Variants in NAALADL2 observed in about 807,000 individuals in gnomAD.
NAALADL2 encodes the protein inactive N-acetylated-alpha-linked acidic dipeptidase-like protein 2.
NAALADL2 carries 76 observed loss-of-function variants against 87.2 expected under a neutral mutation model. The ratio of observed to expected loss-of-function variants is 0.87; its 90% CI spans 0.72 to 1.05. NAALADL2 has a LOEUF of 1.05. NAALADL2 is among the 50% of genes least tolerant of loss of function. The probability of loss-of-function intolerance (pLI) is 0.00; values close to 1 mark genes in which losing one functional copy is unlikely to be tolerated. For missense variants in NAALADL2, 1,089 were observed against 945.8 expected, an observed-to-expected ratio of 1.15 and a Z score of -1.99; for synonymous variants, 354 against 331.0, an observed-to-expected ratio of 1.07 and a Z score of -0.75.
chr3:174,548,234 A>G (rs191598599), intron 1 of NAALADL2, among the ~76,000 whole-genome samples: 6 of 152,276 alleles, frequency 3.9e-5, no homozygotes, highest in Non-Finnish European at 7.4e-5. Flanking sequence ...TGTATGATGG[A>G]GTATTATATA....
At chr3:175,473,820 C>T (rs1181445310) in intron 9 of NAALADL2, among the ~76,000 whole-genome samples, 1 of 151,974 alleles carries the variant, frequency 6.6e-6, no homozygotes, top group Non-Finnish European at 1.5e-5. Flanking sequence ...ACATCCAGAA[C>T]ATATGTAACT....
chr3:175,155,259 A>G (rs2108804701), intron 2 of NAALADL2, among the ~76,000 whole-genome samples: 1 of 152,282 alleles, frequency 6.6e-6, no homozygotes, highest in East Asian at 1.9e-4. Context: ...ACTGGGGCTG[A>G]GAATCACTGA....
chr3:175,225,940 G>A (rs1744094465), intron 2 of NAALADL2, among the ~76,000 whole-genome samples: 1 of 151,950 alleles, frequency 6.6e-6, no homozygotes, highest in African/African-American at 2.4e-5. Flanking sequence ...TTTTTTTTCT[G>A]GCACAGGTAA....
chr3:174,673,808 A>G (rs963686196), intron 2 of NAALADL2, among the ~76,000 whole-genome samples: 4 of 152,036 alleles, frequency 2.6e-5, no homozygotes, highest in African/African-American at 4.8e-5. Context: ...AAGATTTAAA[A>G]TGTCCCCAAC....
Position 174,977,052 on chromosome 3 carries a change from G to T in NAALADL2, c.43+117602G>T, listed in dbSNP as rs1044544762. 3.3e-5 allele frequency among the ~76,000 whole-genome samples: 5 copies of T among 152,252 alleles called. No homozygotes were observed. In the East Asian group the frequency reaches 9.7e-4, roughly 29 times the overall value. ...GTGTGAGATGGTGGGCAATTTTATA[G>T]ACAACCCAGTGGATTCTAAGGCCAA... On this transcript the variant is annotated intron_variant, in intron 1 of 13. Coordinates refer to ENST00000454872, the MANE Select transcript of NAALADL2 (RefSeq NM_207015.3).
chr3:174,863,862 CT>C (rs1406749057), intron 1 of NAALADL2: 11 of 311,722 alleles, frequency 3.5e-5, no homozygotes, highest in African/African-American at 2.5e-4. Context: ...CAAGGAGCTC[CT>C]GTTGGACCTG....
chr3:175,412,891 T>TTTATTATTA (rs58135076), intron 5 of NAALADL2, among the ~76,000 whole-genome samples: 37,735 of 122,610 alleles, frequency 0.31, 6,342 homozygotes, highest in East Asian at 0.41. Flanking sequence ...ATTTAATTTA[T>TTTATTATTA]TTATTATTAT....
chr3:174,972,607 A>G (rs1743841674), intron 1 of NAALADL2, among the ~76,000 whole-genome samples: 1 of 152,180 alleles, frequency 6.6e-6, no homozygotes, highest in South Asian at 2.1e-4. Flanking sequence ...CCCCAAATAC[A>G]ATGCTATTTT....
intron 1 of NAALADL2, among the ~76,000 whole-genome samples, chr3:175,067,477 G>A (rs73038495): frequency 0.097 from 14,699 of 152,028 alleles, 1,591 homozygotes; most frequent in African/African-American, 0.27. Context: ...GCGGCCAACA[G>A]ACGTATGAAA....
chr3:174,889,503 T>C (rs1730609968), intron 1 of NAALADL2, among the ~76,000 whole-genome samples: 1 of 152,154 alleles, frequency 6.6e-6, no homozygotes, highest in South Asian at 2.1e-4. Flanking sequence ...TGCTTCACTG[T>C]CTGCCCTGTG....
chr3:175,399,638 T>C (rs73033617), intron 5 of NAALADL2, among the ~76,000 whole-genome samples: 4,228 of 152,200 alleles, frequency 0.028, 214 homozygotes, highest in African/African-American at 0.096. Context: ...CATCACCATC[T>C]TGGTTTTGGT....
chr3:175,586,892 A>G (rs1255639516), intron 10 of NAALADL2, among the ~76,000 whole-genome samples: 1 of 152,222 alleles, frequency 6.6e-6, no homozygotes, highest in Non-Finnish European at 1.5e-5. Context: ...TGCCCATGGC[A>G]AAACATTGGG....
chr3:175,692,069 T>TA (rs1737122208), intron 11 of NAALADL2, among the ~76,000 whole-genome samples: 1 of 152,092 alleles, frequency 6.6e-6, no homozygotes, highest in Non-Finnish European at 1.5e-5. Context: ...GTATACCTCT[T>TA]ATATGAATCT....
intron 6 of NAALADL2, among the ~76,000 whole-genome samples, chr3:175,447,646 A>G (rs1427411877): frequency 2.6e-5 from 4 of 152,184 alleles, no homozygotes; most frequent in Non-Finnish European, 5.9e-5. Context: ...ATTTTTGTAC[A>G]TTCATGAAAA....
At chr3:175,187,434 C>G (rs928338291) in intron 2 of NAALADL2, among the ~76,000 whole-genome samples, 2 of 152,116 alleles carry the variant, frequency 1.3e-5, no homozygotes, top group African/African-American at 4.8e-5. Context: ...TCCAACTTTT[C>G]ATTTATTCAA....
intron 1 of NAALADL2, among the ~76,000 whole-genome samples, chr3:174,454,827 T>C (rs536206926): frequency 7.9e-5 from 12 of 151,988 alleles, no homozygotes; most frequent in South Asian, 4.2e-4. Flanking sequence ...CTAACAGAAC[T>C]GGAGAACCAA....
chr3:174,898,714 T>A, intron 1 of NAALADL2, among the ~76,000 whole-genome samples: 1 of 152,108 alleles, frequency 6.6e-6, no homozygotes, highest in Non-Finnish European at 1.5e-5. Context: ...ACTAAAGTAT[T>A]CATAGAGCCA....
In NAALADL2 at chr3:175,158,240, G is replaced by T. The variant is rs1238067004; in HGVS notation, c.545+60949G>T. Among the ~76,000 whole-genome samples the T allele has an allele frequency of 2.0e-5, 3 of 151,970 alleles. No individual in the cohort carries two copies. In the East Asian group the frequency reaches 5.8e-4, roughly 29 times the overall value. On this transcript the variant is annotated intron_variant, in intron 2 of 13. Transcript: ENST00000454872. ...ACAGTGCTTTAGGCACATTTCAGTA[G>T]GGTTACGGATTTTTTGCCCTCATTT...
chr3:174,658,935 C>T (rs866229385), intron 2 of NAALADL2, among the ~76,000 whole-genome samples: 11 of 152,154 alleles, frequency 7.2e-5, no homozygotes, highest in African/African-American at 2.7e-4. Flanking sequence ...TATTATCTCT[C>T]ATTACACTAT....
Sources: allele counts gnomAD v4.1 joint callset (sites outside exome capture counted in the v4.1 genomes callset), GRCh38; gene constraint gnomAD v4.1.1; transcripts MANE v1.5; gene names NCBI Gene and HGNC (gene_info 2026-07-23, HGNC 2026-07-21).